Variants in NDST3 observed in about 807,000 individuals in gnomAD.
NDST3 encodes N-deacetylase and N-sulfotransferase 3, also known as bifunctional heparan sulfate N-deacetylase/N-sulfotransferase 3.
NDST3 carries 58 observed loss-of-function variants against 96.1 expected under a neutral mutation model. The observed-to-expected ratio is 0.60, with a 90% CI of 0.49 to 0.75. NDST3 has a LOEUF of 0.75. Among genes scored for constraint, NDST3 ranks in the 30% least tolerant of loss-of-function variants. The pLI is 0.00. For synonymous variants in NDST3, 333 were observed against 359.7 expected (o/e 0.93, Z 0.84); for missense variants, 788 against 1,034.2 (o/e 0.76, Z 3.27).
intron 6 of NDST3, among the ~76,000 whole-genome samples, chr4:118,181,829 T>C (rs972201050): frequency 2.6e-5 from 4 of 152,202 alleles, no homozygotes; most frequent in Non-Finnish European, 5.9e-5. Context: ...ATTTAGTTAA[T>C]ATGAGTGTCC....
intron 6 of NDST3, among the ~76,000 whole-genome samples, chr4:118,175,617 C>T (rs1429871884): frequency 2.0e-5 from 3 of 152,062 alleles, no homozygotes; most frequent in Admixed American, 6.6e-5. Flanking sequence ...TCTCTTATCT[C>T]GCACACTGGG....
At chr4:118,210,181 G>A (rs1406174772) in intron 6 of NDST3, among the ~76,000 whole-genome samples, 1 of 152,044 alleles carries the variant, frequency 6.6e-6, no homozygotes, top group Admixed American at 6.5e-5. Flanking sequence ...CTATCCACGG[G>A]AGAACAGAGG....
At chr4:118,035,905 A>G (rs1166860717) in intron 1 of NDST3, among the ~76,000 whole-genome samples, 1 of 152,088 alleles carries the variant, frequency 6.6e-6, no homozygotes, top group East Asian at 1.9e-4. Context: ...TAAAACTTTT[A>G]TCTCTTTCTG....
chr4:118,164,625 A>T (rs1292171476), intron 6 of NDST3, among the ~76,000 whole-genome samples: 8 of 152,202 alleles, frequency 5.3e-5, no homozygotes, highest in African/African-American at 1.7e-4. Flanking sequence ...CAGCAGCAGA[A>T]ATTATTATGA....
chr4:118,107,993 T>C (rs957135994), intron 3 of NDST3, among the ~76,000 whole-genome samples: 1 of 152,108 alleles, frequency 6.6e-6, no homozygotes, highest in African/African-American at 2.4e-5. Context: ...GGCCTCACAA[T>C]CATGGCGGAA....
intron 2 of NDST3, among the ~76,000 whole-genome samples, chr4:118,099,565 C>T (rs1006276069): frequency 2.6e-5 from 4 of 152,024 alleles, no homozygotes; most frequent in Admixed American, 6.6e-5. Flanking sequence ...TAATGCAGTG[C>T]TATGTCTATA....
At chr4:118,214,167 C>T (rs1400770421) in intron 6 of NDST3, among the ~76,000 whole-genome samples, 2 of 152,032 alleles carry the variant, frequency 1.3e-5, no homozygotes, top group Non-Finnish European at 2.9e-5. Context: ...AAAACATCTA[C>T]CAATGTATGC....
chr4:118,041,317 G>T (rs1213549451), intron 1 of NDST3, among the ~76,000 whole-genome samples: 1 of 152,030 alleles, frequency 6.6e-6, no homozygotes, highest in Non-Finnish European at 1.5e-5. Flanking sequence ...CACAATTTCA[G>T]TACCTATGTA....
intron 6 of NDST3, among the ~76,000 whole-genome samples, chr4:118,160,978 G>GT (rs1294618984): frequency 6.6e-6 from 1 of 152,124 alleles, no homozygotes; most frequent in Non-Finnish European, 1.5e-5. Context: ...TTTCTGCTCT[G>GT]TTTTTCCCCC....
At chr4:118,205,100 T>C (rs1218732199) in intron 6 of NDST3, among the ~76,000 whole-genome samples, 1 of 144,558 alleles carries the variant, frequency 6.9e-6, no homozygotes, top group Non-Finnish European at 1.5e-5. Flanking sequence ...GTTAATGTTA[T>C]CATTGCTTCT....
chr4:118,135,335 G>C (rs540559384), intron 4 of NDST3, among the ~76,000 whole-genome samples: 21 of 152,256 alleles, frequency 1.4e-4, no homozygotes, highest in African/African-American at 4.8e-4. Flanking sequence ...AATCTACAGT[G>C]AAAGTAGAAA....
At chr4:118,194,914 G>A (rs1737567044) in intron 6 of NDST3, among the ~76,000 whole-genome samples, 1 of 152,176 alleles carries the variant, frequency 6.6e-6, no homozygotes, top group Admixed American at 6.5e-5. Flanking sequence ...AGTATGATTT[G>A]AAGTCAGGTA....
intron 5 of NDST3, among the ~76,000 whole-genome samples, chr4:118,140,907 C>T (rs1422109497): frequency 6.6e-6 from 1 of 152,164 alleles, no homozygotes; most frequent in African/African-American, 2.4e-5. Context: ...AGTGAGGACA[C>T]AAACCCTAAC....
chr4:118,220,883 C>T (rs572883442), intron 6 of NDST3, among the ~76,000 whole-genome samples: 1 of 152,098 alleles, frequency 6.6e-6, no homozygotes, highest in South Asian at 2.1e-4. Flanking sequence ...TACAAAGCAA[C>T]CAATGGGTTT....
At chr4:118,213,971 A>G (rs1739021648) in intron 6 of NDST3, among the ~76,000 whole-genome samples, 1 of 152,176 alleles carries the variant, frequency 6.6e-6, no homozygotes, top group African/African-American at 2.4e-5. Context: ...GATATAATAA[A>G]GAGTACAACC....
intron 6 of NDST3, among the ~76,000 whole-genome samples, chr4:118,209,908 G>T (rs929372878): frequency 6.6e-6 from 1 of 152,132 alleles, no homozygotes; most frequent in Admixed American, 6.5e-5. Context: ...TTAAACCTTA[G>T]AAATTAAGGT....
intron 2 of NDST3, among the ~76,000 whole-genome samples, chr4:118,104,735 C>G (rs147516401): frequency 1.7e-3 from 253 of 152,168 alleles, no homozygotes; most frequent in African/African-American, 5.8e-3. Flanking sequence ...GATCGTAGTT[C>G]TTTTGATACC....
chr4:118,170,866 G>T (rs998641776), intron 6 of NDST3, among the ~76,000 whole-genome samples: 1 of 152,156 alleles, frequency 6.6e-6, no homozygotes, highest in African/African-American at 2.4e-5. Flanking sequence ...TAAATGAAGA[G>T]AAAGTAAAAT....
In NDST3 at chr4:118,174,612, G is replaced by A. The variant is rs541429925; in HGVS notation, c.1539+30928G>A. The stretch of plus-strand genomic sequence containing the variant: ...TGATGGAATATTTTGACAGCATGCT[G>A]CTAACTTAAACATTTTTGTTTAATG... On this transcript the variant is annotated intron_variant, in intron 6 of 13. Coordinates refer to ENST00000296499, the MANE Select transcript of NDST3 (RefSeq NM_004784.3). Among the ~76,000 whole-genome samples, 76 of 152,284 alleles carry A rather than the reference G, an allele frequency of 5.0e-4. No individual in the cohort carries two copies. In the Middle Eastern group the frequency reaches 0.014, roughly 27 times the overall value.
Sources: allele counts gnomAD v4.1 joint callset (sites outside exome capture counted in the v4.1 genomes callset), GRCh38; gene constraint gnomAD v4.1.1; transcripts MANE v1.5; gene names NCBI Gene and HGNC (gene_info 2026-07-23, HGNC 2026-07-21).